CEP112: variants seen among roughly 807,000 people sequenced by gnomAD.
CEP112 encodes the protein centrosomal protein of 112 kDa.
Under a neutral mutation model 153.0 loss-of-function variants are expected in CEP112, and 127 were observed. That is an observed-to-expected ratio of 0.83 (90% CI 0.72 to 0.96). The LOEUF is 0.96. Among genes scored for constraint, CEP112 ranks in the 40% least tolerant of loss-of-function variants. The pLI is 0.00. For missense variants in CEP112, 1,089 were observed against 1,101.2 expected, an observed-to-expected ratio of 0.99 and a Z score of 0.16; for synonymous variants, 358 against 374.4, an observed-to-expected ratio of 0.96 and a Z score of 0.51.
At chr17:66,122,080 G>GA (rs1879171206) in intron 6 of CEP112, among the ~76,000 whole-genome samples, 1 of 152,018 alleles carries the variant, frequency 6.6e-6, no homozygotes, top group Admixed American at 6.6e-5. Flanking sequence ...ATTTTTAGTA[G>GA]AGATGGGGTT....
At chr17:65,687,220 G>A (rs923295047) in intron 24 of CEP112, among the ~76,000 whole-genome samples, 2 of 137,440 alleles carry the variant, frequency 1.5e-5, no homozygotes, top group African/African-American at 2.8e-5. Context: ...AGGCTGGAGC[G>A]CAGTGGCGTG....
chr17:65,932,327 C>T (rs1222119576), intron 18 of CEP112, among the ~76,000 whole-genome samples: 3 of 152,084 alleles, frequency 2.0e-5, no homozygotes, highest in Non-Finnish European at 4.4e-5. Context: ...AACGTACAGA[C>T]ATGAAGGTAA....
intron 18 of CEP112, among the ~76,000 whole-genome samples, chr17:65,950,000 A>G (rs8067317): frequency 0.48 from 72,779 of 151,956 alleles, 18,434 homozygotes; most frequent in East Asian, 0.89. Flanking sequence ...ATACACATCC[A>G]TCAGCACACA....
chr17:65,849,942 T>G (rs191429702), intron 21 of CEP112, among the ~76,000 whole-genome samples: 27 of 152,086 alleles, frequency 1.8e-4, no homozygotes, highest in Non-Finnish European at 1.5e-5. Context: ...TTGTCCGAAG[T>G]CAGGAGTTTG....
intron 21 of CEP112, among the ~76,000 whole-genome samples, chr17:65,820,890 T>A (rs1325609803): frequency 2.6e-5 from 4 of 152,112 alleles, no homozygotes; most frequent in Non-Finnish European, 4.4e-5. Context: ...TCAAAGATAC[T>A]GATGTTTGAT....
At chr17:65,639,836 CTTTTT>C (rs554226605) in intron 25 of CEP112, among the ~76,000 whole-genome samples, 1 of 110,964 alleles carries the variant, frequency 9.0e-6, no homozygotes, top group Non-Finnish European at 1.7e-5. Flanking sequence ...CTCTTTCTTT[CTTTTT>C]TTTTTTTTTT....
intron 6 of CEP112, among the ~76,000 whole-genome samples, chr17:66,115,917 T>A (rs1052999678): frequency 3.3e-5 from 5 of 152,186 alleles, no homozygotes; most frequent in African/African-American, 1.2e-4. Flanking sequence ...TCCTTGTCTG[T>A]TGGCTATGCC....
intron 8 of CEP112, among the ~76,000 whole-genome samples, chr17:66,095,885 G>A (rs537292865): frequency 6.6e-6 from 1 of 152,046 alleles, no homozygotes; most frequent in African/African-American, 2.4e-5. Flanking sequence ...GACCAGCCTG[G>A]GAAAAACAGT....
At position 66,192,043 on chromosome 17, in the gene CEP112, G is replaced by GCCGCCGCCGCCGCCGCCA. The variant is rs1460028499; in HGVS notation, c.-56_-55insTGGCGGCGGCGGCGGCGG. 2 of 154,054 alleles carry GCCGCCGCCGCCGCCGCCA rather than the reference G, an allele frequency of 1.3e-5. No homozygotes were observed. The highest frequency in any genetic ancestry group is 4.8e-5 in the African/African-American group (2 of 41,474). The allele number at this position is 154,054 out of a possible 1,614,324, so 9.5% of individuals were successfully genotyped here. A position where few individuals can be genotyped will look rare whatever the true frequency, so the allele number is the denominator to read the frequency against. ...TTTCCGCTCGGCCGCTGCCGCCAAC[G>GCCGCCGCCGCCGCCGCCA]CCGCCGCCACCGCCGCCCCTGCCAA... On this transcript the variant is annotated 5_prime_UTR_variant, in exon 1 of 27. Transcript: ENST00000535342.
intron 6 of CEP112, among the ~76,000 whole-genome samples, chr17:66,122,385 G>A (rs1044699991): frequency 7.2e-5 from 11 of 151,920 alleles, no homozygotes; most frequent in African/African-American, 1.9e-4. Context: ...CTTGAAAATT[G>A]GACATTTTAG....
intron 12 of CEP112, among the ~76,000 whole-genome samples, chr17:66,031,757 C>T (rs1039114142): frequency 4.0e-5 from 6 of 151,806 alleles, no homozygotes; most frequent in African/African-American, 1.5e-4. Context: ...CCACCATGGC[C>T]AGTGAAAGAT....
intron 21 of CEP112, among the ~76,000 whole-genome samples, chr17:65,782,763 T>A (rs566731332): frequency 6.6e-6 from 1 of 151,958 alleles, no homozygotes; most frequent in South Asian, 2.1e-4. Context: ...GAGCTAAACA[T>A]TGGGTACTCA....
At chr17:66,080,567 G>A (rs1383219455) in intron 8 of CEP112, among the ~76,000 whole-genome samples, 2 of 152,192 alleles carry the variant, frequency 1.3e-5, no homozygotes, top group Non-Finnish European at 2.9e-5. Flanking sequence ...GTTGGTGGGA[G>A]TGTAAATTAG....
At chr17:66,154,381 G>A (rs1049659300) in intron 4 of CEP112, among the ~76,000 whole-genome samples, 1 of 151,660 alleles carries the variant, frequency 6.6e-6, no homozygotes, top group Non-Finnish European at 1.5e-5. Context: ...TGGGTGTGGG[G>A]GGGGGAGCCT....
chr17:65,770,110 A>T (rs76012012), intron 21 of CEP112, among the ~76,000 whole-genome samples: 2,985 of 152,004 alleles, frequency 0.02, 112 homozygotes, highest in African/African-American at 0.069. Context: ...AAAATGAAAA[A>T]AAAAACCTCT....
chr17:66,152,259 T>C (rs2071242363), intron 4 of CEP112, among the ~76,000 whole-genome samples: 1 of 152,168 alleles, frequency 6.6e-6, no homozygotes, highest in Non-Finnish European at 1.5e-5. Context: ...AAATCTGTTA[T>C]CGGAAATGAG....
intron 4 of CEP112, among the ~76,000 whole-genome samples, chr17:66,169,408 C>T (rs183552799): frequency 1.1e-4 from 16 of 151,718 alleles, no homozygotes; most frequent in South Asian, 6.3e-4. Flanking sequence ...CTCGGCCTCC[C>T]GAGTAGCTGG....
intron 21 of CEP112, among the ~76,000 whole-genome samples, chr17:65,835,590 G>A (rs939291841): frequency 2.0e-5 from 3 of 152,148 alleles, no homozygotes; most frequent in Non-Finnish European, 4.4e-5. Flanking sequence ...AGGAGAGACT[G>A]ACAACTAAGA....
chr17:66,069,924 A>G lies in CEP112; in HGVS notation c.846T>C (p.Asp282=), dbSNP rs2146080357. ...GAGATATATATCCTACCTTCTGAAC[A>G]TCAGCATCATGTTTCTGTTGCAGTT... ...KLKLQQKHDA[D]VQKILERKNN... is the part of the protein sequence containing the mutation. Residue 282 remains aspartate, a synonymous_variant, in exon 9 of 27, where the codon GAT becomes GAC. Transcript: ENST00000535342. The G allele has an allele frequency of 6.3e-7, 1 of 1,592,942 alleles. No individual in the cohort carries two copies. The highest frequency in any genetic ancestry group is 1.1e-5 in the South Asian group (1 of 89,468).
Sources: gnomAD v4.1 joint callset for allele counts (sites outside exome capture counted in the v4.1 genomes callset) on GRCh38, gnomAD v4.1.1 for gene constraint, MANE v1.5 for transcripts, NCBI Gene and HGNC (gene_info 2026-07-23, HGNC 2026-07-21) for gene names.